The following THSD7A variants were observed in gnomAD, a reference collection of about 807,000 sequenced individuals.
THSD7A encodes thrombospondin type 1 domain containing 7A, also known as thrombospondin type-1 domain-containing protein 7A.
Under a neutral mutation model 231.3 loss-of-function variants are expected in THSD7A, and 96 were observed. The ratio of observed to expected loss-of-function variants is 0.41; its 90% CI spans 0.35 to 0.49. The LOEUF (loss-of-function observed/expected upper bound fraction) is 0.49, where lower values mean the gene tolerates loss of function less well. THSD7A is among the 20% of genes least tolerant of loss of function. THSD7A has a pLI of 0.05. For synonymous variants in THSD7A, 940 were observed against 743.3 expected (o/e 1.26, Z -4.30); for missense variants, 2,290 against 2,070.2 (o/e 1.11, Z -2.06).
intron 1 of THSD7A, among the ~76,000 whole-genome samples, chr7:11,660,999 T>C (rs1269340598): frequency 6.6e-6 from 1 of 151,386 alleles, no homozygotes. Flanking sequence ...CCTGGAGGTA[T>C]TTCCCAATTA....
intron 1 of THSD7A, among the ~76,000 whole-genome samples, chr7:11,719,758 A>G (rs972630492): frequency 3.3e-5 from 5 of 151,748 alleles, no homozygotes; most frequent in South Asian, 2.1e-4. Flanking sequence ...GTGATTTCCA[A>G]TGCACTAGTT....
chr7:11,619,238 G>A (rs1271808601), intron 2 of THSD7A, among the ~76,000 whole-genome samples: 5 of 151,908 alleles, frequency 3.3e-5, no homozygotes, highest in African/African-American at 1.2e-4. Context: ...GTATATCAAT[G>A]ACTACAAGAA....
At chr7:11,729,096 G>T (rs1055554185) in intron 1 of THSD7A, among the ~76,000 whole-genome samples, 2 of 151,718 alleles carry the variant, frequency 1.3e-5, no homozygotes, top group Non-Finnish European at 2.9e-5. Context: ...AACTTAAATA[G>T]ATTTGTGAGT....
intron 1 of THSD7A, among the ~76,000 whole-genome samples, chr7:11,667,160 G>A (rs1416276402): frequency 6.6e-6 from 1 of 151,904 alleles, no homozygotes; most frequent in Non-Finnish European, 1.5e-5. Context: ...CCTCACCTGA[G>A]CAGTGTACAC....
chr7:11,795,840 T>C (rs1262606193), intron 1 of THSD7A, among the ~76,000 whole-genome samples: 2 of 151,486 alleles, frequency 1.3e-5, no homozygotes, highest in African/African-American at 2.4e-5. Flanking sequence ...TCAAGGAAGA[T>C]CCAAGCGAGG....
intron 6 of THSD7A, among the ~76,000 whole-genome samples, chr7:11,522,751 G>T (rs1362923769): frequency 1.3e-5 from 2 of 152,038 alleles, no homozygotes; most frequent in Non-Finnish European, 2.9e-5. Flanking sequence ...TTTCACTTTT[G>T]TTATGGGAAA....
chr7:11,467,218 A>G (rs1301720330), intron 9 of THSD7A, among the ~76,000 whole-genome samples: 3 of 152,076 alleles, frequency 2.0e-5, no homozygotes, highest in South Asian at 4.1e-4. Context: ...CATGTGGTTC[A>G]TCTTTCAAGA....
At chr7:11,583,081 G>A (rs1456863876) in intron 4 of THSD7A, among the ~76,000 whole-genome samples, 1 of 150,156 alleles carries the variant, frequency 6.7e-6, no homozygotes, top group East Asian at 2.0e-4. Flanking sequence ...TATTTTTTTT[G>A]TCTTCAGTTT....
intron 16 of THSD7A, 87 bp from the exon 17 acceptor site, chr7:11,417,690 G>A (rs1386342414): frequency 2.2e-6 from 3 of 1,362,322 alleles, no homozygotes; most frequent in East Asian, 2.5e-5. Flanking sequence ...CCAACCCACA[G>A]GACAGATGGT....
intron 17 of THSD7A, among the ~76,000 whole-genome samples, chr7:11,414,576 T>C (rs1320686444): frequency 6.6e-6 from 1 of 152,162 alleles, no homozygotes; most frequent in African/African-American, 2.4e-5. Context: ...CTTTATGAGA[T>C]GTAAAGCTCT....
At chr7:11,701,350 A>G (rs1780595205) in intron 1 of THSD7A, among the ~76,000 whole-genome samples, 1 of 151,108 alleles carries the variant, frequency 6.6e-6, no homozygotes, top group South Asian at 2.1e-4. Flanking sequence ...CGATGTGAAA[A>G]CCATTTGAAG....
At chr7:11,667,941 C>G (rs1783209376) in intron 1 of THSD7A, among the ~76,000 whole-genome samples, 1 of 152,148 alleles carries the variant, frequency 6.6e-6, no homozygotes, top group African/African-American at 2.4e-5. Context: ...AAAGTGTACT[C>G]TTTTAGAATA....
At chr7:11,729,166 T>C (rs1781641956) in intron 1 of THSD7A, among the ~76,000 whole-genome samples, 1 of 151,764 alleles carries the variant, frequency 6.6e-6, no homozygotes, top group Admixed American at 6.6e-5. Flanking sequence ...AGAACCAGCA[T>C]ATCAAATTAT....
Position 11,417,330 on chromosome 7 carries a change from A to C in THSD7A, c.3537+120T>G. 6 of 1,028,766 alleles carry C rather than the reference A, an allele frequency of 5.8e-6. 1 individual carries two copies. In the South Asian group the frequency reaches 1.1e-4, roughly 18 times the overall value. The allele number at this position is 1,028,766 out of a possible 1,614,324, so 63.7% of individuals were successfully genotyped here. A position where few individuals can be genotyped will look rare whatever the true frequency, so the allele number is the denominator to read the frequency against. ...AGAGAAGACACACCTTGCTTTGCTA[A>C]ATATGGCAAACAAACAGATTTTACA... On this transcript the variant is annotated intron_variant, in intron 17 of 27. Coordinates refer to ENST00000423059, the MANE Select transcript of THSD7A (RefSeq NM_015204.3).
At chr7:11,695,385 C>T (rs928619895) in intron 1 of THSD7A, among the ~76,000 whole-genome samples, 1 of 151,366 alleles carries the variant, frequency 6.6e-6, no homozygotes, top group East Asian at 2.0e-4. Flanking sequence ...ATGCCAGATC[C>T]TAGGCTTCAA....
chr7:11,501,921 C>T (rs1416735189), intron 6 of THSD7A, among the ~76,000 whole-genome samples: 1 of 151,664 alleles, frequency 6.6e-6, no homozygotes, highest in African/African-American at 2.4e-5. Context: ...CCAAATAAAC[C>T]CAATTAGAAA....
At chr7:11,459,884 G>A (rs1216631474) in intron 11 of THSD7A, among the ~76,000 whole-genome samples, 7 of 151,864 alleles carry the variant, frequency 4.6e-5, no homozygotes, top group East Asian at 1.9e-4. Flanking sequence ...AAAGTTGCTC[G>A]CATATTCAAT....
intron 11 of THSD7A, among the ~76,000 whole-genome samples, chr7:11,459,665 A>ATTTTTTTTTTT (rs34415355): frequency 2.5e-5 from 1 of 39,894 alleles, no homozygotes; most frequent in African/African-American, 6.1e-5. Context: ...AAAACAGGGG[A>ATTTTTTTTTTT]TTTTTTTTTT....
rs75887788 is a variant in THSD7A at position 11,564,341 on chromosome 7, C to G, written c.1454-21224G>C. ...AGATAGGGACAGATCTCCAAGAAAG[C>G]CTTCTCCTCTACATAAAGGACTGAG... On this transcript the variant is annotated intron_variant, in intron 4 of 27. Transcript: ENST00000423059. Among the ~76,000 whole-genome samples the G allele has an allele frequency of 5.9e-3, 904 of 152,292 alleles. 3 individuals are homozygous for G. The highest frequency in any genetic ancestry group is 9.7e-3 in the Non-Finnish European group (663 of 68,026).
Sources: gnomAD v4.1 joint callset for allele counts (sites outside exome capture counted in the v4.1 genomes callset) on GRCh38, gnomAD v4.1.1 for gene constraint, MANE v1.5 for transcripts, NCBI Gene and HGNC (gene_info 2026-07-23, HGNC 2026-07-21) for gene names.